PPP2R2A: variants seen among roughly 807,000 people sequenced by gnomAD.
The protein encoded by PPP2R2A is protein phosphatase 2 regulatory subunit Balpha, also known as serine/threonine-protein phosphatase 2A 55 kDa regulatory subunit B alpha isoform.
PPP2R2A carries 9 observed loss-of-function variants against 53.2 expected under a neutral mutation model. That is an observed-to-expected ratio of 0.17 (90% CI 0.10 to 0.30). PPP2R2A has a LOEUF of 0.30. PPP2R2A is among the 10% of genes least tolerant of loss of function. The pLI is 1.00. For missense variants in PPP2R2A, 235 were observed against 534.6 expected, an observed-to-expected ratio of 0.44 and a Z score of 5.53; for synonymous variants, 169 against 174.2, an observed-to-expected ratio of 0.97 and a Z score of 0.23.
rs1452355376 is a variant in PPP2R2A, at chr8:26,360,875, A to G, written c.460-99A>G. ...AATCTATGTAATATTGTTCTATTTT[A>G]TGTTCTCAAAAACTGAAATAATGAA... On this transcript the variant is annotated intron_variant, in intron 5 of 9. Coordinates refer to ENST00000380737, the MANE Select transcript of PPP2R2A (RefSeq NM_002717.4). The surrounding 1 kb of genome is among the most constrained non-coding windows in gnomAD (Gnocchi z 4.5). 3 of 1,164,450 alleles carry G rather than the reference A, an allele frequency of 2.6e-6. No individual in the cohort carries two copies. The highest frequency in any genetic ancestry group is 3.6e-6 in the Non-Finnish European group (3 of 829,824). The allele number at this position is 1,164,450 out of a possible 1,614,324, so 72.1% of individuals were successfully genotyped here.
chr8:26,344,398 A>G (rs1056340200), intron 3 of PPP2R2A, among the ~76,000 whole-genome samples: 2 of 152,216 alleles, frequency 1.3e-5, no homozygotes, highest in African/African-American at 4.8e-5. Flanking sequence ...AATAAAAAAA[A>G]CTTTAATCCT....
chr8:26,335,924 A>G (rs1249989069), intron 2 of PPP2R2A, among the ~76,000 whole-genome samples: 2 of 152,228 alleles, frequency 1.3e-5, no homozygotes, highest in South Asian at 2.1e-4. Context: ...ATAAGAAGTG[A>G]TACGTTATTG....
intron 2 of PPP2R2A, among the ~76,000 whole-genome samples, chr8:26,295,961 C>T (rs569962282): frequency 7.9e-5 from 12 of 152,220 alleles, no homozygotes; most frequent in Admixed American, 3.3e-4. Context: ...TGTAGCTCAA[C>T]TTTTACTTGC....
intron 4 of PPP2R2A, among the ~76,000 whole-genome samples, chr8:26,359,317 G>A (rs1221588981): frequency 6.6e-6 from 1 of 152,128 alleles, no homozygotes; most frequent in Non-Finnish European, 1.5e-5. Flanking sequence ...GAATGTTAGT[G>A]GAAAACCTGG....
intron 2 of PPP2R2A, among the ~76,000 whole-genome samples, chr8:26,294,276 G>T (rs1175944061): frequency 1.3e-5 from 2 of 152,138 alleles, no homozygotes; most frequent in African/African-American, 4.8e-5. Context: ...TGTCTTTCTG[G>T]TATTTAGGTG....
At chr8:26,309,599 C>T (rs1238763754) in intron 2 of PPP2R2A, among the ~76,000 whole-genome samples, 1 of 152,148 alleles carries the variant, frequency 6.6e-6, no homozygotes, top group Non-Finnish European at 1.5e-5. Flanking sequence ...GAATACAGGG[C>T]TGTTAATACA....
chr8:26,347,434 ATTCCT>A (rs1292527820), intron 3 of PPP2R2A, among the ~76,000 whole-genome samples: 3 of 147,958 alleles, frequency 2.0e-5, no homozygotes, highest in African/African-American at 5.0e-5. Flanking sequence ...TTTTTTTTCC[ATTCCT>A]TTCAGTAATG....
chr8:26,294,459 T>A (rs923078017), intron 2 of PPP2R2A, among the ~76,000 whole-genome samples: 1 of 152,220 alleles, frequency 6.6e-6, no homozygotes, highest in African/African-American at 2.4e-5. Context: ...AGGTTTTGCA[T>A]TCATTTGAGA....
In PPP2R2A at chr8:26,363,967, G is replaced by C. The variant is rs966404808; in HGVS notation, c.972+77G>C. 16 of 1,318,132 alleles carry C rather than the reference G, an allele frequency of 1.2e-5. No individual in the cohort carries two copies. In the African/African-American group the frequency reaches 2.3e-4, roughly 19 times the overall value. The allele number at this position is 1,318,132 out of a possible 1,614,324, so 81.7% of individuals were successfully genotyped here. Reference sequence around the variant, plus strand: ...TTTATAGAGAAGGATTTTGTTACTAGGTTTTAATCCCTGTATGGTGTTTGT... The same window carrying C: ...TTTATAGAGAAGGATTTTGTTACTACGTTTTAATCCCTGTATGGTGTTTGT... On this transcript the variant is annotated intron_variant, in intron 8 of 9. Coordinates refer to ENST00000380737, the MANE Select transcript of PPP2R2A (RefSeq NM_002717.4).
chr8:26,331,367 G>T (rs1186632743), intron 2 of PPP2R2A, among the ~76,000 whole-genome samples: 1 of 152,094 alleles, frequency 6.6e-6, no homozygotes, highest in Non-Finnish European at 1.5e-5. Context: ...CTCCTTTGTG[G>T]CCAGAAACAA....
intron 2 of PPP2R2A, among the ~76,000 whole-genome samples, chr8:26,337,860 CCTT>C (rs576102600): frequency 3.2e-4 from 49 of 152,258 alleles, no homozygotes; most frequent in East Asian, 1.9e-3. Context: ...AGAAAAGAAA[CCTT>C]CTCAAAATCT....
chr8:26,291,692 T>A lies in PPP2R2A; in HGVS notation c.-128T>A. On this transcript the variant is annotated 5_prime_UTR_variant, in exon 1 of 10. Transcript: ENST00000380737. ...TCCTTCCTTTTCCCCCCGGCCCCCG[T>A]CCCCTCCCCCCGCAGGTGCCATCCG... is the stretch of plus-strand genomic sequence containing the variant. 5.2e-6 allele frequency: 1 copy of A among 193,794 alleles called. No individual in the cohort carries two copies. Among genetic ancestry groups the A allele is most frequent in the Non-Finnish European group, 1.1e-5 (1 of 94,304 alleles). 12.0% of individuals were successfully genotyped at this position (193,794 alleles called of 1,614,324 possible).
chr8:26,332,658 T>A (rs1272392174), intron 2 of PPP2R2A, among the ~76,000 whole-genome samples: 1 of 152,200 alleles, frequency 6.6e-6, no homozygotes, highest in Non-Finnish European at 1.5e-5. Flanking sequence ...GGGTAGAATT[T>A]AGAATGTGTA....
At chr8:26,294,567 A>G (rs1442067315) in intron 2 of PPP2R2A, among the ~76,000 whole-genome samples, 1 of 152,212 alleles carries the variant, frequency 6.6e-6, no homozygotes, top group African/African-American at 2.4e-5. Flanking sequence ...GTGTGTCTTG[A>G]ATTACAGTAG....
intron 3 of PPP2R2A, 137 bp downstream of exon 3, chr8:26,339,124 A>G (rs1803811096): frequency 1.6e-6 from 1 of 619,222 alleles, no homozygotes; most frequent in Non-Finnish European, 2.8e-6. Context: ...TCCAATATAT[A>G]GACAGCTCTG....
chr8:26,369,107 CA>C (rs1286986545), intron 9 of PPP2R2A, among the ~76,000 whole-genome samples: 112 of 132,092 alleles, frequency 8.5e-4, no homozygotes, highest in Non-Finnish European at 7.7e-4. Context: ...GACTCCGTCT[CA>C]AAAAAAAAAA....
At chr8:26,308,549 T>TGAA (rs1802126360) in intron 2 of PPP2R2A, among the ~76,000 whole-genome samples, 2 of 152,250 alleles carry the variant, frequency 1.3e-5, no homozygotes, top group South Asian at 4.1e-4. Flanking sequence ...ACTGCTCATC[T>TGAA]ATTGATGGTA....
chr8:26,363,036 G>A, intron 7 of PPP2R2A, 188 bp downstream of exon 7: 1 of 558,750 alleles, frequency 1.8e-6, no homozygotes, highest in South Asian at 2.3e-5. Context: ...GCTCTCTTGG[G>A]GGGCATGTCT....
Position 26,291,777 on chromosome 8 carries a change from G to C in PPP2R2A, c.-43G>C, listed in dbSNP as rs1335063516. 1.4e-5 allele frequency: 22 copies of C among 1,592,482 alleles called. No homozygotes were observed. Among genetic ancestry groups the C allele is most frequent in the Non-Finnish European group, 1.8e-5 (21 of 1,170,732 alleles). On this transcript the variant is annotated 5_prime_UTR_variant, in exon 1 of 10. Coordinates refer to ENST00000380737, the MANE Select transcript of PPP2R2A (RefSeq NM_002717.4). ...GTGAGGGGGGTGAGTTCAGGAAGCG[G>C]AGACCCCGAGGAACCCAGCAGGGTC...
Sources: gnomAD v4.1 joint callset for allele counts (sites outside exome capture counted in the v4.1 genomes callset) on GRCh38, gnomAD v4.1.1 for gene constraint, Gnocchi (gnomAD v3.1) non-coding constraint, MANE v1.5 for transcripts, NCBI Gene and HGNC (gene_info 2026-07-23, HGNC 2026-07-21) for gene names.